The following MYT1L variants were observed in gnomAD, a reference collection of about 807,000 sequenced individuals.
The protein encoded by MYT1L is myelin transcription factor 1 like.
In MYT1L, 12 loss-of-function variants were observed where a neutral mutation model predicts 126.7. That is an observed-to-expected ratio of 0.09 (90% CI 0.06 to 0.15). The LOEUF (loss-of-function observed/expected upper bound fraction) is 0.15. Ranked by LOEUF, MYT1L falls within the 10% of genes least tolerant of loss-of-function variation. The probability of loss-of-function intolerance (pLI) is 1.00; values close to 1 mark genes in which losing one functional copy is unlikely to be tolerated. For missense variants in MYT1L, 979 were observed against 1,585.2 expected (o/e 0.62, Z 6.49); for synonymous variants, 541 against 604.2 (o/e 0.90, Z 1.53).
At chr2:1,886,924 CT>C (rs1443096137) in intron 17 of MYT1L, 8 of 400,586 alleles carry the variant, frequency 2.0e-5, no homozygotes, top group Non-Finnish European at 3.5e-5. Flanking sequence ...AATTAGCATG[CT>C]TTTGAAGGTC....
At chr2:2,029,382 G>A (rs1013601896) in intron 4 of MYT1L, among the ~76,000 whole-genome samples, 1 of 152,202 alleles carries the variant, frequency 6.6e-6, no homozygotes, top group Non-Finnish European at 1.5e-5. Flanking sequence ...GGAAGATGAA[G>A]AAAGAGCAAA....
intron 1 of MYT1L, among the ~76,000 whole-genome samples, 196 bp from the exon 2 acceptor site, chr2:2,284,699 CA>C (rs1160523136): frequency 5.3e-5 from 8 of 152,034 alleles, no homozygotes; most frequent in Non-Finnish European, 1.0e-4. Flanking sequence ...TGTGTCTCCT[CA>C]AAATTGTAAT....
chr2:1,863,091 T>C (rs1309072151), intron 18 of MYT1L, among the ~76,000 whole-genome samples: 1 of 152,078 alleles, frequency 6.6e-6, no homozygotes, highest in East Asian at 1.9e-4. Flanking sequence ...GGGCACCCCA[T>C]GGAGATGGTG....
intron 5 of MYT1L, among the ~76,000 whole-genome samples, chr2:1,989,920 C>T (rs2061343525): frequency 6.6e-6 from 1 of 152,120 alleles, no homozygotes; most frequent in African/African-American, 2.4e-5. Context: ...ATTGCTTAAA[C>T]CTGGGAGGCG....
At chr2:2,174,789 T>C (rs756361521) in intron 2 of MYT1L, among the ~76,000 whole-genome samples, 6 of 152,146 alleles carry the variant, frequency 3.9e-5, no homozygotes, top group Non-Finnish European at 2.9e-5. Context: ...TGGACTGTCA[T>C]TACTGCTGGG....
chr2:2,319,457 T>C (rs1208095217), intron 1 of MYT1L: 1 of 152,182 alleles, frequency 6.6e-6, no homozygotes, highest in African/African-American at 2.4e-5. Flanking sequence ...GAAACCATGA[T>C]GGATGAGGGC....
chr2:2,302,351 T>A (rs1456247723), intron 1 of MYT1L, among the ~76,000 whole-genome samples: 4 of 152,218 alleles, frequency 2.6e-5, no homozygotes. Context: ...ACCAATCGAT[T>A]TAAAAATGCA....
At chr2:2,270,165 T>C (rs2095233903) in intron 2 of MYT1L, among the ~76,000 whole-genome samples, 1 of 152,206 alleles carries the variant, frequency 6.6e-6, no homozygotes, top group Admixed American at 6.5e-5. Context: ...AGAGACTGTC[T>C]GCAACCCAGG....
intron 21 of MYT1L, among the ~76,000 whole-genome samples, chr2:1,820,039 G>T (rs1038539629): frequency 2.6e-5 from 4 of 152,016 alleles, no homozygotes; most frequent in African/African-American, 9.7e-5. Flanking sequence ...AGTGGGGGGG[G>T]GCCAGCGAGG....
intron 1 of MYT1L, chr2:2,325,326 T>C (rs2096231891): frequency 1.3e-5 from 2 of 152,230 alleles, no homozygotes; most frequent in South Asian, 4.1e-4. Context: ...AACCTCACTA[T>C]ATTATTCTGT....
At chr2:2,229,952 T>G (rs2094122562) in intron 2 of MYT1L, among the ~76,000 whole-genome samples, 1 of 152,234 alleles carries the variant, frequency 6.6e-6, no homozygotes, top group African/African-American at 2.4e-5. Flanking sequence ...TTAAATTCCT[T>G]GCATTATTAA....
At chr2:2,037,654 G>T (rs900799995) in intron 4 of MYT1L, among the ~76,000 whole-genome samples, 1 of 151,718 alleles carries the variant, frequency 6.6e-6, no homozygotes, top group African/African-American at 2.4e-5. Flanking sequence ...TACTTGGGAG[G>T]CTGAGTCAGG....
At chr2:2,276,012 C>T (rs1205571987) in intron 2 of MYT1L, among the ~76,000 whole-genome samples, 1 of 152,026 alleles carries the variant, frequency 6.6e-6, no homozygotes, top group East Asian at 1.9e-4. Context: ...GTGTTTGTTG[C>T]TTTATGGAGT....
At chr2:2,151,461 T>C (rs1348814042) in intron 3 of MYT1L, among the ~76,000 whole-genome samples, 1 of 151,664 alleles carries the variant, frequency 6.6e-6, no homozygotes, top group East Asian at 2.0e-4. Flanking sequence ...TCACAGACGT[T>C]AGGGGCCAAA....
intron 9 of MYT1L, among the ~76,000 whole-genome samples, chr2:1,934,727 TACACACACACACACAC>T (rs56320658): frequency 1.2e-3 from 163 of 138,388 alleles, no homozygotes; most frequent in Non-Finnish European, 2.1e-3. Flanking sequence ...CTCTGTCATG[TACACACACACACACAC>T]ACACACACAC....
At chr2:1,965,409 A>C (rs2059271732) in intron 8 of MYT1L, among the ~76,000 whole-genome samples, 1 of 147,552 alleles carries the variant, frequency 6.8e-6, no homozygotes, top group African/African-American at 2.6e-5. Flanking sequence ...AGGAGGACCC[A>C]GACTCTGTGA....
intron 3 of MYT1L, among the ~76,000 whole-genome samples, chr2:2,083,054 G>A (rs149967938): frequency 1.1e-3 from 161 of 152,250 alleles, no homozygotes; most frequent in African/African-American, 3.5e-3. Flanking sequence ...CCCAGAGACC[G>A]GTGCACACAA....
rs114469051 is a variant in MYT1L, at chr2:1,988,820, C to T, written c.-1+8371G>A. Among the ~76,000 whole-genome samples, 965 of 152,312 alleles carry T rather than the reference C, an allele frequency of 6.3e-3. 3 individuals carry two copies. Among genetic ancestry groups the T allele is most frequent in the African/African-American group, 0.012 (495 of 41,566 alleles). On this transcript the variant is annotated intron_variant, in intron 5 of 24. Transcript: ENST00000647738. Reference sequence around the variant, plus strand: ...CTGTGATTACAGGCATGAGCCACTGCGCCTGGCTGGGTACATAGCCGATGC... The same window carrying T: ...CTGTGATTACAGGCATGAGCCACTGTGCCTGGCTGGGTACATAGCCGATGC...
intron 1 of MYT1L, among the ~76,000 whole-genome samples, chr2:2,301,448 T>G (rs544278722): frequency 6.6e-6 from 1 of 152,194 alleles, no homozygotes; most frequent in Non-Finnish European, 1.5e-5. Context: ...TGTCAGGCAC[T>G]GCCCTCAGCA....
Sources: gnomAD v4.1 joint callset for allele counts (sites outside exome capture counted in the v4.1 genomes callset) on GRCh38, gnomAD v4.1.1 for gene constraint, MANE v1.5 for transcripts, NCBI Gene and HGNC (gene_info 2026-07-23, HGNC 2026-07-21) for gene names.